ITPR2: variants seen among roughly 807,000 people sequenced by gnomAD.
ITPR2 encodes inositol 1,4,5-trisphosphate-gated calcium channel ITPR2.
In ITPR2, 207 loss-of-function variants were observed where a neutral mutation model predicts 317.1. The ratio of observed to expected loss-of-function variants is 0.65; its 90% confidence interval spans 0.58 to 0.73. The LOEUF (loss-of-function observed/expected upper bound fraction) is 0.73, where lower values mean the gene tolerates loss of function less well. ITPR2 is among the 30% of genes least tolerant of loss of function. The probability of loss-of-function intolerance (pLI) is 0.00; values close to 1 mark genes in which losing one functional copy is unlikely to be tolerated. For missense variants in ITPR2, 2,613 were observed against 3,284.0 expected (o/e 0.80, Z 4.99); for synonymous variants, 1,156 against 1,149.1 (o/e 1.01, Z -0.12).
intron 14 of ITPR2, 89 bp downstream of exon 14, chr12:26,665,821 T>A: frequency 8.6e-7 from 1 of 1,164,940 alleles, no homozygotes; most frequent in Non-Finnish European, 1.2e-6. Context: ...ATCATTTGCT[T>A]CATAGTAATA....
chr12:26,482,231 C>A (rs1248361490), intron 42 of ITPR2, among the ~76,000 whole-genome samples: 2 of 152,164 alleles, frequency 1.3e-5, no homozygotes, highest in African/African-American at 4.8e-5. Context: ...AAAATATTTC[C>A]CAAACTTAAA....
chr12:26,786,449 T>TAAAAAAAAAAAAA lies in ITPR2; in HGVS notation c.163+3695_163+3707dup, dbSNP rs59014121. ...GCGAGAAACACCCAAGAATGATCAATAAAAAAAAAAAAAAAAAAAAATGGA... is the reference window on the plus strand; with the variant it reads ...GCGAGAAACACCCAAGAATGATCAATAAAAAAAAAAAAAAAAAAAAAAAAAAAAAAAAAATGGA... On this transcript the variant is annotated intron_variant, in intron 2 of 56. Transcript: ENST00000381340. Among the ~76,000 whole-genome samples the TAAAAAAAAAAAAA allele has an allele frequency of 2.6e-3, 311 of 119,100 alleles. 2 individuals are homozygous for TAAAAAAAAAAAAA. Among genetic ancestry groups the TAAAAAAAAAAAAA allele is most frequent in the African/African-American group, 0.011 (301 of 26,690 alleles). 78.1% of individuals were successfully genotyped at this position (119,100 alleles called of 152,430 possible).
At chr12:26,597,230 T>G in intron 30 of ITPR2, 96 bp from the exon 31 acceptor site, 9 of 1,321,948 alleles carry the variant, frequency 6.8e-6, no homozygotes, top group Non-Finnish European at 9.6e-6. Flanking sequence ...CGTATATCTC[T>G]TCGTAAAAAC....
At chr12:26,352,972 C>CA (rs1335792872) in intron 55 of ITPR2, among the ~76,000 whole-genome samples, 10 of 152,232 alleles carry the variant, frequency 6.6e-5, no homozygotes, top group African/African-American at 2.2e-4. Context: ...GAGGCTTACT[C>CA]AAATTGGTTG....
chr12:26,556,564 T>TGTG (rs558329274), intron 35 of ITPR2, among the ~76,000 whole-genome samples, 189 bp from the exon 36 acceptor site: 1,204 of 111,650 alleles, frequency 0.011, 7 homozygotes, highest in South Asian at 0.028. Flanking sequence ...CTATTTTTTT[T>TGTG]TTTGTGTGTG....
rs182616576 is a variant in ITPR2 at position 26,539,991 on chromosome 12, C to T, written c.5073+10256G>A. On this transcript the variant is annotated intron_variant, in intron 37 of 56. Coordinates refer to ENST00000381340, the MANE Select transcript of ITPR2 (RefSeq NM_002223.4). ...TATTGAGTAGCAACTAAGTGCAGGG[C>T]ACAATTCTAGACATAGAAATACTTC... Among the ~76,000 whole-genome samples the T allele has an allele frequency of 5.8e-4, 89 of 152,294 alleles. No homozygotes were observed. In the Middle Eastern group the frequency reaches 0.017, roughly 29 times the overall value.
intron 39 of ITPR2, among the ~76,000 whole-genome samples, chr12:26,488,361 G>A (rs977713025): frequency 9.2e-5 from 14 of 152,072 alleles, no homozygotes; most frequent in African/African-American, 3.4e-4. Flanking sequence ...CAGTTTGGGG[G>A]AGTTTGCCCC....
At chr12:26,713,667 A>T (rs1948689435) in intron 8 of ITPR2, among the ~76,000 whole-genome samples, 1 of 152,346 alleles carries the variant, frequency 6.6e-6, no homozygotes, top group African/African-American at 2.4e-5. Flanking sequence ...AACTCCTTTT[A>T]ACAGACTCAG....
chr12:26,670,254 G>C (rs568415842), intron 13 of ITPR2, among the ~76,000 whole-genome samples: 10 of 152,152 alleles, frequency 6.6e-5, no homozygotes, highest in Non-Finnish European at 8.8e-5. Flanking sequence ...CCTCAAGTGG[G>C]TCCCTGACCC....
rs2230384 is a variant in ITPR2, at chr12:26,681,925, G to A, written c.1358C>T (p.Ala453Val). Residue 453 changes from alanine to valine, a missense_variant, in exon 13 of 57, where the codon GCG (alanine) becomes GTG (valine). Physicochemically the swap from Ala to Val is moderately conservative, Grantham distance 64 (BLOSUM62 0). Coordinates refer to ENST00000381340, the MANE Select transcript of ITPR2 (RefSeq NM_002223.4). ...GTTTTCTAGCTTTTTAACTGTGGTC[G>A]CTAGTACTTTATTGGCATCATTGGC... ...DFANDANKVL[A>V]TTVKKLENGT... 0.04 allele frequency: 64,161 copies of A among 1,612,148 alleles called. 1,584 individuals carry two copies. Among genetic ancestry groups the A allele is most frequent in the Non-Finnish European group, 0.047 (55,775 of 1,178,328 alleles).
At chr12:26,357,886 G>C (rs1938691130) in intron 55 of ITPR2, among the ~76,000 whole-genome samples, 1 of 152,250 alleles carries the variant, frequency 6.6e-6, no homozygotes, top group Non-Finnish European at 1.5e-5. Context: ...CAAAGGTGAG[G>C]AAGCTGCAGG....
intron 37 of ITPR2, among the ~76,000 whole-genome samples, chr12:26,536,914 A>G (rs1944109862): frequency 6.6e-6 from 1 of 152,194 alleles, no homozygotes; most frequent in South Asian, 2.1e-4. Context: ...AGGCAGAGGA[A>G]TCTGTCTTGA....
chr12:26,478,220 G>T (rs1179068749), intron 43 of ITPR2, among the ~76,000 whole-genome samples: 1 of 152,146 alleles, frequency 6.6e-6, no homozygotes, highest in African/African-American at 2.4e-5. Flanking sequence ...CGATGATGAA[G>T]ATGATGATTG....
chr12:26,414,064 C>T lies in ITPR2; in HGVS notation c.7306+1239G>A, dbSNP rs1009604656. Among the ~76,000 whole-genome samples, 256 of 151,530 alleles carry T rather than the reference C, an allele frequency of 1.7e-3. 1 individual carries two copies. Among genetic ancestry groups the T allele is most frequent in the African/African-American group, 5.8e-3 (238 of 41,306 alleles). On this transcript the variant is annotated intron_variant, in intron 51 of 56. Transcript: ENST00000381340. ...ATGTATATATGTACACACACACACA[C>T]ACACACACACACACACACACACAAA...
rs147390006 is a variant in ITPR2 at position 26,821,110 on chromosome 12, T to C, written c.92+11580A>G. ...TCCTTAATATCACTGAATTATATCT[T>C]TTTAAACGGTCAAAATGATAAATTT... is the stretch of plus-strand genomic sequence containing the variant. On this transcript the variant is annotated intron_variant, in intron 1 of 56. Transcript: ENST00000381340. Among the ~76,000 whole-genome samples the C allele has an allele frequency of 1.7e-4, 26 of 152,344 alleles. No homozygotes were observed. In the East Asian group the frequency reaches 4.2e-3, roughly 25 times the overall value.
At chr12:26,650,984 G>A (rs191945698) in intron 21 of ITPR2, among the ~76,000 whole-genome samples, 15 of 152,138 alleles carry the variant, frequency 9.9e-5, no homozygotes, top group Admixed American at 3.3e-4. Flanking sequence ...ATTCATATAC[G>A]CTTTCCTTTT....
chr12:26,431,485 C>T (rs558709803), intron 48 of ITPR2, among the ~76,000 whole-genome samples: 96 of 152,306 alleles, frequency 6.3e-4, no homozygotes, highest in African/African-American at 2.1e-3. Flanking sequence ...AACAAACAAA[C>T]AGCCACAAAA....
At chr12:26,477,376 T>C (rs1255282626) in intron 43 of ITPR2, among the ~76,000 whole-genome samples, 1 of 151,582 alleles carries the variant, frequency 6.6e-6, no homozygotes, top group Non-Finnish European at 1.5e-5. Context: ...CAGGTATCAG[T>C]AACATATTTT....
At chr12:26,481,567 AGAG>A (rs1440295032) in intron 42 of ITPR2, among the ~76,000 whole-genome samples, 1 of 152,252 alleles carries the variant, frequency 6.6e-6, no homozygotes. Context: ...ACCAATCAAC[AGAG>A]GAGATCTTTA....
Sources: gnomAD v4.1 joint callset for allele counts (sites outside exome capture counted in the v4.1 genomes callset) on GRCh38, gnomAD v4.1.1 for gene constraint, MANE v1.5 for transcripts, NCBI Gene and HGNC (gene_info 2026-07-23, HGNC 2026-07-21) for gene names.